Variants in FBXO33 observed in about 807,000 individuals in gnomAD.
The protein encoded by FBXO33 is F-box only protein 33.
FBXO33 carries 22 observed loss-of-function variants against 46.3 expected under a neutral mutation model. That is an observed-to-expected ratio of 0.48 (90% CI 0.34 to 0.68). The LOEUF (loss-of-function observed/expected upper bound fraction) is 0.68. Among genes scored for constraint, FBXO33 ranks in the 30% least tolerant of loss-of-function variants. The pLI is 0.01. For missense variants in FBXO33, 692 were observed against 708.8 expected (o/e 0.98, Z 0.27); for synonymous variants, 337 against 291.3 (o/e 1.16, Z -1.60).
At chr14:39,429,060 G>A (rs558407226) in intron 1 of FBXO33, among the ~76,000 whole-genome samples, 79 of 152,208 alleles carry the variant, frequency 5.2e-4, no homozygotes, top group African/African-American at 1.7e-3. Context: ...ATCACTATGA[G>A]AATACATGTA....
At chr14:39,403,688 A>T (rs1165641361) in intron 1 of FBXO33, among the ~76,000 whole-genome samples, 2 of 152,252 alleles carry the variant, frequency 1.3e-5, no homozygotes, top group African/African-American at 4.8e-5. Context: ...TCCTAAGTCC[A>T]ATAATAACGA....
chr14:39,429,525 T>C (rs2075532798), intron 1 of FBXO33, among the ~76,000 whole-genome samples: 1 of 152,258 alleles, frequency 6.6e-6, no homozygotes, highest in South Asian at 2.1e-4. Flanking sequence ...AATATTCATA[T>C]TAACTTTTCC....
intron 1 of FBXO33, among the ~76,000 whole-genome samples, chr14:39,422,953 C>T (rs59337169): frequency 0.086 from 13,022 of 152,148 alleles, 1,825 homozygotes; most frequent in African/African-American, 0.3. Context: ...GAAACCCTGT[C>T]TCTACTAAAA....
chr14:39,430,040 C>T (rs952973185), intron 1 of FBXO33, among the ~76,000 whole-genome samples: 3 of 152,206 alleles, frequency 2.0e-5, no homozygotes, highest in Non-Finnish European at 4.4e-5. Flanking sequence ...GCAATTTGAT[C>T]TCAGTACAGA....
intron 1 of FBXO33, among the ~76,000 whole-genome samples, chr14:39,416,012 A>T (rs959852827): frequency 4.6e-5 from 7 of 152,204 alleles, no homozygotes; most frequent in Non-Finnish European, 7.3e-5. Flanking sequence ...ACAGTGATTT[A>T]TTAACCAGTA....
intron 1 of FBXO33, among the ~76,000 whole-genome samples, chr14:39,404,333 TTTTG>T (rs2075382463): frequency 6.6e-6 from 1 of 152,154 alleles, no homozygotes; most frequent in South Asian, 2.1e-4. Flanking sequence ...GGATCTTTTT[TTTTG>T]TTTGTTTGAG....
At chr14:39,421,494 T>C (rs146197090) in intron 1 of FBXO33, among the ~76,000 whole-genome samples, 13 of 152,226 alleles carry the variant, frequency 8.5e-5, no homozygotes, top group Admixed American at 6.5e-4. Flanking sequence ...TATGAGTCCA[T>C]AGCTCATATG....
In FBXO33 at chr14:39,431,913, G is replaced by C. The variant is rs2075558758; in HGVS notation, c.250C>G (p.Pro84Ala). 1 of 1,541,190 alleles carries C rather than the reference G, an allele frequency of 6.5e-7. No homozygotes were observed. Among genetic ancestry groups the C allele is most frequent in the South Asian group, 1.2e-5 (1 of 84,792 alleles). Residue 84 changes from proline (P) to alanine (A), a missense_variant, in exon 1 of 4, where the codon CCG (proline) becomes GCG (alanine). This residue lies in a region of FBXO33 where 412 missense variants were observed against 370.8 expected (regional missense o/e 1.11). Transcript: ENST00000298097. ...GAGGCCCGCAGCCGGTCGGGCGCCG[G>C]CAGAAAAGAGAAGATGTGCACGATC... is the stretch of plus-strand genomic sequence containing the variant. Reference protein sequence around the residue: ...ELIVHIFSFLPAPDRLRASAS... With the variant: ...ELIVHIFSFLAAPDRLRASAS...
chr14:39,401,089 C>T, intron 3 of FBXO33, 87 bp downstream of exon 3: 1 of 1,205,072 alleles, frequency 8.3e-7, no homozygotes, highest in Non-Finnish European at 1.2e-6. Context: ...TTTCTTGATA[C>T]TATAAAGGTC....
chr14:39,418,293 G>C (rs2075459589), intron 1 of FBXO33, among the ~76,000 whole-genome samples: 1 of 150,716 alleles, frequency 6.6e-6, no homozygotes. Context: ...TCGATCTCCT[G>C]ACCTCGTGAT....
intron 1 of FBXO33, among the ~76,000 whole-genome samples, chr14:39,411,241 G>A (rs1018784742): frequency 2.6e-5 from 4 of 151,110 alleles, no homozygotes; most frequent in African/African-American, 7.3e-5. Context: ...GATTACAGGC[G>A]ACCACCACCA....
chr14:39,399,528 A>C lies in FBXO33; in HGVS notation c.1656T>G (p.Ser552Arg). ...CATTAAAAAAAAGCTAAATGTCTTC[A>C]CTGAAGCTTTGCATCTCTCTGTAAA... ...RHFYREMQSFSEDI is the reference protein window; with the variant it reads ...RHFYREMQSFREDI Residue 552 changes from serine to arginine, a missense_variant, in exon 4 of 4, where the codon AGT (serine) becomes AGG (arginine). Physicochemically the swap from Ser to Arg is moderately radical, Grantham distance 110. Transcript: ENST00000298097. 1 of 1,610,766 alleles carries C rather than the reference A, an allele frequency of 6.2e-7. No homozygotes were observed. Among genetic ancestry groups the C allele is most frequent in the Non-Finnish European group, 8.5e-7 (1 of 1,177,690 alleles).
intron 1 of FBXO33, among the ~76,000 whole-genome samples, chr14:39,420,607 C>T (rs767460516): frequency 2.6e-5 from 4 of 151,996 alleles, no homozygotes; most frequent in Admixed American, 6.6e-5. Context: ...AGGAGAATGG[C>T]GTGAACCCAG....
intron 2 of FBXO33, among the ~76,000 whole-genome samples, chr14:39,402,074 G>A (rs528884302): frequency 2.2e-4 from 33 of 152,166 alleles, no homozygotes; most frequent in South Asian, 4.2e-4. Context: ...TATTAAACAC[G>A]TAGAAATATG....
At chr14:39,407,393 C>G (rs1247927532) in intron 1 of FBXO33, among the ~76,000 whole-genome samples, 1 of 152,198 alleles carries the variant, frequency 6.6e-6, no homozygotes, top group Admixed American at 6.5e-5. Flanking sequence ...TACAACAGAT[C>G]TCTAGAAATT....
At chr14:39,405,128 CA>C (rs55890131) in intron 1 of FBXO33, among the ~76,000 whole-genome samples, 70,458 of 114,346 alleles carry the variant, frequency 0.62, 18,628 homozygotes, top group East Asian at 0.72. Flanking sequence ...GATTCTGTCT[CA>C]AAAAAAAAAA....
intron 1 of FBXO33, among the ~76,000 whole-genome samples, chr14:39,412,290 CT>C (rs1162537348): frequency 1.3e-5 from 2 of 152,148 alleles, no homozygotes; most frequent in Admixed American, 6.5e-5. Flanking sequence ...CTGACTGACC[CT>C]TTTATCATTC....
intron 1 of FBXO33, among the ~76,000 whole-genome samples, chr14:39,412,321 G>C (rs192546177): frequency 2.0e-5 from 3 of 152,080 alleles, no homozygotes; most frequent in Non-Finnish European, 2.9e-5. Flanking sequence ...CTTGTCTCTT[G>C]TGTCAGTTTT....
Position 39,399,452 on chromosome 14 carries a change from A to G in FBXO33, c.*64T>C, listed in dbSNP as rs2139398937. 2.1e-6 allele frequency: 3 copies of G among 1,432,638 alleles called. No homozygotes were observed. The highest frequency in any genetic ancestry group is 2.3e-5 in the East Asian group (1 of 43,232). The allele number at this position is 1,432,638 out of a possible 1,614,324, so 88.7% of individuals were successfully genotyped here. A position where few individuals can be genotyped will look rare whatever the true frequency, so the allele number is the denominator to read the frequency against. ...ACAAAAGGATTAATTCACACTACTGAAAAAAAAACATAATAGGACCCTACT... is the reference window on the plus strand; with the variant it reads ...ACAAAAGGATTAATTCACACTACTGGAAAAAAAACATAATAGGACCCTACT... On this transcript the variant is annotated 3_prime_UTR_variant, in exon 4 of 4. Transcript: ENST00000298097.
Sources: allele counts gnomAD v4.1 joint callset (sites outside exome capture counted in the v4.1 genomes callset), GRCh38; gene constraint gnomAD v4.1.1; regional missense constraint gnomAD v4.1.1; transcripts MANE v1.5; gene names NCBI Gene and HGNC (gene_info 2026-07-23, HGNC 2026-07-21).